The following SYNPR variants were observed in gnomAD, a reference collection of about 807,000 sequenced individuals.
SYNPR encodes synaptoporin.
SYNPR carries 23 observed loss-of-function variants against 32.9 expected under a neutral mutation model. The observed-to-expected ratio is 0.70, with a 90% CI of 0.50 to 0.99. SYNPR has a LOEUF of 0.99. Ranked by LOEUF, SYNPR falls within the 50% of genes least tolerant of loss-of-function variation. The pLI, the probability that SYNPR is intolerant of heterozygous loss-of-function variation, is 0.00. For synonymous variants in SYNPR, 146 were observed against 135.9 expected, an observed-to-expected ratio of 1.07 and a Z score of -0.52; for missense variants, 318 against 349.3, an observed-to-expected ratio of 0.91 and a Z score of 0.71.
intron 3 of SYNPR, among the ~76,000 whole-genome samples, chr3:63,271,657 GATTGTACAT>G (rs1230493894): frequency 6.6e-6 from 1 of 151,878 alleles, no homozygotes; most frequent in Non-Finnish European, 1.5e-5. Context: ...AATTATTAGA[GATTGTACAT>G]ATTGCAAAGC....
intron 2 of SYNPR, among the ~76,000 whole-genome samples, chr3:63,347,875 TTGTGTGTG>T (rs10597535): frequency 0.17 from 24,015 of 144,360 alleles, 2,008 homozygotes; most frequent in Non-Finnish European, 0.19. Context: ...TAGTATTCCA[TTGTGTGTG>T]TGTGTGTGTG....
intron 2 of SYNPR, among the ~76,000 whole-genome samples, chr3:63,255,490 T>C (rs2086374378): frequency 6.6e-6 from 1 of 152,222 alleles, no homozygotes; most frequent in African/African-American, 2.4e-5. Flanking sequence ...GGCTGAGTAA[T>C]ACTGATTTAT....
rs111544842 is a variant in SYNPR at position 63,394,088 on chromosome 3, C to A, written c.85-86744C>A. On this transcript the variant is annotated intron_variant, in intron 2 of 5. Coordinates refer to ENST00000478300, the MANE Select transcript of SYNPR (RefSeq NM_001130003.2). The stretch of plus-strand genomic sequence containing the variant: ...ATTATATTTATTTTAGCCAATACTT[C>A]CCCCCTACCAGGTGGTAGCACTAAT... 4.1e-3 allele frequency among the ~76,000 whole-genome samples: 629 copies of A among 152,204 alleles called. 4 individuals are homozygous for A. Among genetic ancestry groups the A allele is most frequent in the African/African-American group, 0.014 (574 of 41,524 alleles).
At chr3:63,503,735 T>C (rs1438944600) in intron 3 of SYNPR, among the ~76,000 whole-genome samples, 1 of 152,050 alleles carries the variant, frequency 6.6e-6, no homozygotes, top group Non-Finnish European at 1.5e-5. Flanking sequence ...TTAAAAAGTA[T>C]AGAAGAGTAA....
At chr3:63,298,920 G>A (rs1377177037) in intron 2 of SYNPR, among the ~76,000 whole-genome samples, 1 of 152,130 alleles carries the variant, frequency 6.6e-6, no homozygotes, top group Non-Finnish European at 1.5e-5. Context: ...GCAGGAAAAT[G>A]TAATTTTCAG....
At chr3:63,235,815 C>A (rs753996569) in intron 1 of SYNPR, among the ~76,000 whole-genome samples, 4 of 152,014 alleles carry the variant, frequency 2.6e-5, no homozygotes, top group Non-Finnish European at 5.9e-5. Context: ...AGTAAACTTT[C>A]TTTTCATTCT....
At chr3:63,414,027 GAGAGAGAGAGAC>G (rs2088505355) in intron 2 of SYNPR, among the ~76,000 whole-genome samples, 1 of 151,006 alleles carries the variant, frequency 6.6e-6, no homozygotes, top group South Asian at 2.1e-4. Flanking sequence ...TATATATAGA[GAGAGAGAGAGAC>G]AGAGAGGGAG....
At chr3:63,611,687 C>A (rs1004826934) in intron 5 of SYNPR, among the ~76,000 whole-genome samples, 2 of 151,948 alleles carry the variant, frequency 1.3e-5, no homozygotes, top group Non-Finnish European at 2.9e-5. Context: ...AACTTTATTT[C>A]TTTTTTTTCA....
intron 2 of SYNPR, among the ~76,000 whole-genome samples, chr3:63,318,237 A>G (rs1916626): frequency 0.76 from 115,486 of 151,864 alleles, 44,718 homozygotes; most frequent in Non-Finnish European, 0.83. Flanking sequence ...GTGCCTAGGC[A>G]AAGATCTTTT....
chr3:63,208,521 C>T, the SYNPR span, among the ~76,000 whole-genome samples: 6 of 152,222 alleles, frequency 3.9e-5, no homozygotes, highest in East Asian at 9.6e-4. Flanking sequence ...GAAACAAAGC[C>T]GTGTCTGGCA....
chr3:63,472,867 T>C (rs1700830219), intron 2 of SYNPR, among the ~76,000 whole-genome samples: 1 of 152,108 alleles, frequency 6.6e-6, no homozygotes, highest in Non-Finnish European at 1.5e-5. Context: ...AGATAGTAAA[T>C]ATGTTTGGCT....
chr3:63,207,750 C>T, the SYNPR span, among the ~76,000 whole-genome samples: 2 of 152,110 alleles, frequency 1.3e-5, no homozygotes, highest in Admixed American at 6.6e-5. Context: ...AACAGAAAAT[C>T]TCCTGTCCAG....
intron 4 of SYNPR, among the ~76,000 whole-genome samples, chr3:63,585,440 T>C (rs181574003): frequency 1.5e-3 from 124 of 82,016 alleles, no homozygotes; most frequent in East Asian, 6.1e-3. Context: ...TTTCCTTCTG[T>C]ATATCCATGC....
intron 2 of SYNPR, among the ~76,000 whole-genome samples, chr3:63,349,464 A>G (rs1428809314): frequency 6.6e-6 from 1 of 152,152 alleles, no homozygotes; most frequent in Non-Finnish European, 1.5e-5. Context: ...GACATCTACA[A>G]TTTCTTTCAT....
chr3:63,467,551 T>C (rs951012835), intron 2 of SYNPR, among the ~76,000 whole-genome samples: 2 of 152,212 alleles, frequency 1.3e-5, no homozygotes, highest in Non-Finnish European at 2.9e-5. Flanking sequence ...GGTACTCACC[T>C]CACAGAGTTA....
chr3:63,252,823 C>G (rs2086345362), intron 2 of SYNPR, among the ~76,000 whole-genome samples: 1 of 151,982 alleles, frequency 6.6e-6, no homozygotes, highest in African/African-American at 2.4e-5. Context: ...GGCAGATCAC[C>G]TGAGGTCAGG....
chr3:63,352,607 C>T (rs138876947), intron 2 of SYNPR, among the ~76,000 whole-genome samples: 1 of 152,184 alleles, frequency 6.6e-6, no homozygotes, highest in African/African-American at 2.4e-5. Context: ...ACTTCAGGCA[C>T]CTAGGTTTGC....
At chr3:63,256,681 C>T (rs762067810) in intron 2 of SYNPR, among the ~76,000 whole-genome samples, 5 of 152,290 alleles carry the variant, frequency 3.3e-5, no homozygotes, top group South Asian at 2.1e-4. Context: ...TCCAAAGGAA[C>T]GCAGCTCCTC....
intron 4 of SYNPR, among the ~76,000 whole-genome samples, chr3:63,572,212 A>G (rs1290827818): frequency 6.6e-6 from 1 of 151,966 alleles, no homozygotes; most frequent in Non-Finnish European, 1.5e-5. Context: ...CTACCTACTA[A>G]ATCAAATTGT....
Sources: allele counts gnomAD v4.1 joint callset (sites outside exome capture counted in the v4.1 genomes callset), GRCh38; gene constraint gnomAD v4.1.1; transcripts MANE v1.5; gene names NCBI Gene and HGNC (gene_info 2026-07-23, HGNC 2026-07-21).